Variants in MAML1 observed in about 807,000 individuals in gnomAD.
MAML1 encodes mastermind-like protein 1.
In MAML1, 14 loss-of-function variants were observed where a neutral mutation model predicts 77.1. That is an observed-to-expected ratio of 0.18 (90% CI 0.12 to 0.28). MAML1 has a LOEUF of 0.28. Among genes scored for constraint, MAML1 ranks in the 10% least tolerant of loss-of-function variants. The pLI is 1.00. For synonymous variants in MAML1, 516 were observed against 551.9 expected (o/e 0.93, Z 0.91); for missense variants, 1,217 against 1,327.8 (o/e 0.92, Z 1.30).
rs1779087352 is a variant in MAML1, at chr5:179,732,851, GGCCGCGGCGGTA to G, written c.-259_-248del. Reference sequence around the variant, plus strand: ...GGCCCGAAAACAATTTTAAGATGGCGGCCGCGGCGGTAGCGCGGAAAACAATGGGGCCGGGGC... The same window carrying G: ...GGCCCGAAAACAATTTTAAGATGGCGGCGCGGAAAACAATGGGGCCGGGGC... On this transcript the variant is annotated 5_prime_UTR_variant, in exon 1 of 5. Transcript: ENST00000292599. 1 of 233,028 alleles carries G rather than the reference GGCCGCGGCGGTA, an allele frequency of 4.3e-6. No homozygotes were observed. Among genetic ancestry groups the G allele is most frequent in the Non-Finnish European group, 8.2e-6 (1 of 121,312 alleles). The allele number at this position is 233,028 out of a possible 1,614,324, so 14.4% of individuals were successfully genotyped here. A position where few individuals can be genotyped will look rare whatever the true frequency, so the allele number is the denominator to read the frequency against.
chr5:179,762,528 A>AC (rs1347429331), intron 1 of MAML1, among the ~76,000 whole-genome samples: 1 of 152,138 alleles, frequency 6.6e-6, no homozygotes, highest in Non-Finnish European at 1.5e-5. Context: ...TCCTCCTGGA[A>AC]CCCTGTACAC....
chr5:179,751,398 A>T (rs1779487267), intron 1 of MAML1, among the ~76,000 whole-genome samples: 1 of 152,222 alleles, frequency 6.6e-6, no homozygotes, highest in Non-Finnish European at 1.5e-5. Context: ...CTGGATTTTG[A>T]TAATTTAGTA....
chr5:179,753,459 A>G (rs997745464), intron 1 of MAML1, among the ~76,000 whole-genome samples: 17 of 152,206 alleles, frequency 1.1e-4, no homozygotes, highest in South Asian at 4.1e-4. Context: ...AGTAGATTCA[A>G]TTGTTTTATT....
intron 1 of MAML1, among the ~76,000 whole-genome samples, chr5:179,746,561 CAG>C (rs1286163189): frequency 4.0e-5 from 6 of 151,776 alleles, no homozygotes; most frequent in African/African-American, 1.5e-4. Context: ...TTAGTAGAGA[CAG>C]GGTTTCTCCA....
chr5:179,748,479 A>G (rs2113348152), intron 1 of MAML1, among the ~76,000 whole-genome samples: 1 of 152,148 alleles, frequency 6.6e-6, no homozygotes, highest in Non-Finnish European at 1.5e-5. Context: ...TGATTTTATA[A>G]ACCACATGCC....
intron 4 of MAML1, among the ~76,000 whole-genome samples, chr5:179,773,126 G>T (rs897610929): frequency 6.6e-6 from 1 of 152,106 alleles, no homozygotes; most frequent in African/African-American, 2.4e-5. Flanking sequence ...CTCGTGATTC[G>T]CCCGCCTCGG....
intron 1 of MAML1, among the ~76,000 whole-genome samples, chr5:179,756,165 C>A (rs1335811689): frequency 1.3e-5 from 2 of 151,526 alleles, no homozygotes; most frequent in African/African-American, 4.8e-5. Flanking sequence ...GTGGCTCATG[C>A]CTGTAATCCC....
intron 1 of MAML1, among the ~76,000 whole-genome samples, chr5:179,757,626 T>G (rs900870664): frequency 5.3e-5 from 8 of 152,172 alleles, no homozygotes; most frequent in Non-Finnish European, 1.2e-4. Flanking sequence ...CTAGATCATC[T>G]AACCCAGCCA....
At chr5:179,741,966 C>G (rs888700574) in intron 1 of MAML1, among the ~76,000 whole-genome samples, 2 of 151,692 alleles carry the variant, frequency 1.3e-5, no homozygotes, top group Non-Finnish European at 2.9e-5. Flanking sequence ...GGGGTGATCT[C>G]GGCTCACTGC....
At chr5:179,758,318 T>C (rs1173440124) in intron 1 of MAML1, among the ~76,000 whole-genome samples, 2 of 152,172 alleles carry the variant, frequency 1.3e-5, no homozygotes, top group African/African-American at 2.4e-5. Flanking sequence ...AGACAAATAA[T>C]GTCTTTAAAA....
At chr5:179,736,965 T>A (rs201589495) in intron 1 of MAML1, among the ~76,000 whole-genome samples, 6,286 of 89,264 alleles carry the variant, frequency 0.07, 165 homozygotes, top group Middle Eastern at 0.09. Context: ...CGTCTCAAAT[T>A]AAAAAAAAAA....
chr5:179,763,294 A>G (rs781067362), intron 1 of MAML1, among the ~76,000 whole-genome samples: 13 of 152,346 alleles, frequency 8.5e-5, no homozygotes, highest in African/African-American at 2.9e-4. Context: ...TAAAGGGTCT[A>G]TTTTATGTGC....
intron 4 of MAML1, among the ~76,000 whole-genome samples, chr5:179,773,015 C>G (rs1012992803): frequency 2.0e-5 from 3 of 152,226 alleles, no homozygotes; most frequent in African/African-American, 7.2e-5. Flanking sequence ...CTCAGCCTCC[C>G]GAGTAGCTGG....
intron 1 of MAML1, among the ~76,000 whole-genome samples, chr5:179,754,068 G>A (rs765820391): frequency 3.3e-5 from 5 of 152,014 alleles, no homozygotes; most frequent in Non-Finnish European, 7.4e-5. Flanking sequence ...TGGATCCCTT[G>A]AGCCCAGGGG....
intron 1 of MAML1, among the ~76,000 whole-genome samples, chr5:179,754,963 A>G (rs1360233752): frequency 6.6e-6 from 1 of 152,234 alleles, no homozygotes; most frequent in Non-Finnish European, 1.5e-5. Flanking sequence ...TGCAAGGAGA[A>G]GTGCTTCCCT....
At chr5:179,773,821 G>C in intron 4 of MAML1, 74 bp from the exon 5 acceptor site, 1 of 1,533,064 alleles carries the variant, frequency 6.5e-7, no homozygotes. Context: ...GAGACTTCTG[G>C]TGCTGCGGCT....
Position 179,766,274 on chromosome 5 carries a change from C to G in MAML1, c.1264C>G (p.Pro422Ala), listed in dbSNP as rs763461706. Residue 422 changes from proline to alanine, a missense_variant, in exon 2 of 5, where the codon CCA (proline) becomes GCA (alanine). Transcript: ENST00000292599. The surrounding 1 kb of genome is among the most constrained non-coding windows in gnomAD (Gnocchi z 4.0). ...GAACCCACAGCAGGCCACCCCGGCA[C>G]CAGCCCCGGGCCAGATGTCCACATG... ...LQNPQQATPA[P>A]APGQMSTWQQ... is the part of the protein sequence containing the mutation. The G allele has an allele frequency of 3.1e-6, 5 of 1,613,644 alleles. No homozygotes were observed. In the Admixed American group the frequency reaches 6.7e-5, roughly 22 times the overall value.
In MAML1 at chr5:179,771,297, G is replaced by T. The variant is rs1305743714; in HGVS notation, c.2068+54G>T. 1.4e-6 allele frequency: 2 copies of T among 1,470,410 alleles called. No individual in the cohort carries two copies. Among genetic ancestry groups the T allele is most frequent in the Non-Finnish European group, 9.5e-7 (1 of 1,050,052 alleles). 91.1% of individuals were successfully genotyped at this position (1,470,410 alleles called of 1,614,324 possible). The stretch of plus-strand genomic sequence containing the variant: ...ACAGGGGAGGCCGCTGCCTGGTGCT[G>T]GTTGAATCCCTGCTGTCTGCCCAGC... On this transcript the variant is annotated intron_variant, in intron 4 of 4. Transcript: ENST00000292599. This position sits in a 1 kb window ranked among gnomAD's most constrained non-coding sequence, Gnocchi z 4.7.
At chr5:179,761,998 C>T (rs535974471) in intron 1 of MAML1, among the ~76,000 whole-genome samples, 1 of 152,134 alleles carries the variant, frequency 6.6e-6, no homozygotes, top group East Asian at 1.9e-4. Flanking sequence ...AAAGAGGAGG[C>T]AGGAGGAAAA....
Sources: allele counts gnomAD v4.1 joint callset (sites outside exome capture counted in the v4.1 genomes callset), GRCh38; gene constraint gnomAD v4.1.1; non-coding constraint Gnocchi (gnomAD v3.1); transcripts MANE v1.5; gene names NCBI Gene and HGNC (gene_info 2026-07-23, HGNC 2026-07-21).